The following MAP1B variants were observed in gnomAD, a reference collection of about 807,000 sequenced individuals.
MAP1B encodes the protein microtubule-associated protein 1B.
A neutral mutation model predicts 176.1 loss-of-function variants in MAP1B; 12 were observed. That is an observed-to-expected ratio of 0.07 (90% CI 0.04 to 0.11). The LOEUF (loss-of-function observed/expected upper bound fraction) is 0.11, where lower values mean the gene tolerates loss of function less well. Ranked by LOEUF, MAP1B falls within the 10% of genes least tolerant of loss-of-function variation. MAP1B has a pLI of 1.00. For synonymous variants in MAP1B, 1,044 were observed against 1,135.0 expected (o/e 0.92, Z 1.61); for missense variants, 2,523 against 2,990.5 (o/e 0.84, Z 3.65).
At chr5:72,185,372 C>T (rs1446991069) in intron 3 of MAP1B, among the ~76,000 whole-genome samples, 3 of 152,142 alleles carry the variant, frequency 2.0e-5, no homozygotes, top group African/African-American at 4.8e-5. Context: ...GAAGTAATTA[C>T]AGCTTGAAAA....
At position 72,195,828 on chromosome 5, in the gene MAP1B, G is replaced by C; in HGVS notation, c.2473G>C (p.Ala825Pro). The C allele has an allele frequency of 6.2e-7, 1 of 1,614,238 alleles. No homozygotes were observed. The highest frequency in any genetic ancestry group is 8.5e-7 in the Non-Finnish European group (1 of 1,180,044). ...CATTGGCCCTGCCAAAGAACTCGAA[G>C]CTGAGAGGTCCCTTATGTCATCTCC... ...AAIGPAKELE[A>P]ERSLMSSPED... Residue 825 changes from alanine (A) to proline (P), a missense_variant, in exon 5 of 7, where the codon GCT becomes CCT. By Grantham distance (27) the Ala-to-Pro change is conservative (BLOSUM62 -1). Around this residue, in one of 4 missense-constraint regions of MAP1B, gnomAD observed 1,925 missense variants for 2,126.0 expected, o/e 0.91. Coordinates refer to ENST00000296755, the MANE Select transcript of MAP1B (RefSeq NM_005909.5).
At chr5:72,137,097 T>C (rs1188515436) in intron 2 of MAP1B, among the ~76,000 whole-genome samples, 3 of 152,208 alleles carry the variant, frequency 2.0e-5, no homozygotes, top group Non-Finnish European at 2.9e-5. Context: ...GTAGGCTGAG[T>C]AATAATTCAC....
intron 2 of MAP1B, among the ~76,000 whole-genome samples, chr5:72,118,172 T>A (rs1377903098): frequency 1.3e-5 from 2 of 152,196 alleles, no homozygotes; most frequent in Non-Finnish European, 2.9e-5. Context: ...CTTTAGAGTT[T>A]CAAGAATCTT....
At position 72,197,201 on chromosome 5, in the gene MAP1B, G is replaced by A. The variant is rs763979452; in HGVS notation, c.3846G>A (p.Thr1282=). Reference sequence around the variant, plus strand: ...AACGTAGTGTGAACTTCTCTCTGACGCCCAATGAGATTAAAGTCTCTGCAG... The same window carrying A: ...AACGTAGTGTGAACTTCTCTCTGACACCCAATGAGATTAAAGTCTCTGCAG... ...LGERSVNFSL[T]PNEIKVSAEA... is the part of the protein sequence containing the mutation. The change falls in exon 5 of 7, where the codon ACG becomes ACA. Residue 1282 remains threonine, a synonymous_variant. Coordinates refer to ENST00000296755, the MANE Select transcript of MAP1B (RefSeq NM_005909.5). 1.5e-5 allele frequency: 25 copies of A among 1,614,048 alleles called. No homozygotes were observed. In the East Asian group the frequency reaches 4.5e-4, roughly 29 times the overall value.
chr5:72,203,644 A>C lies in MAP1B; in HGVS notation c.7094A>C (p.Asn2365Thr). ...PVYLDLCYIPNHSNSKNVDVE... is the reference protein window; with the variant it reads ...PVYLDLCYIPTHSNSKNVDVE... ...TATTTGGACCTGTGCTACATTCCTAACCACAGCAATAGTAAGAATGTTGAT... is the reference window on the plus strand; with the variant it reads ...TATTTGGACCTGTGCTACATTCCTACCCACAGCAATAGTAAGAATGTTGAT... The change falls in exon 6 of 7, where the codon AAC becomes ACC. Residue 2365 changes from asparagine to threonine, a missense_variant. Around this residue, in one of 4 missense-constraint regions of MAP1B, gnomAD observed 287 missense variants for 401.5 expected, o/e 0.71. Coordinates refer to ENST00000296755, the MANE Select transcript of MAP1B (RefSeq NM_005909.5). 6.2e-7 allele frequency: 1 copy of C among 1,614,132 alleles called. No individual in the cohort carries two copies. Among genetic ancestry groups the C allele is most frequent in the Non-Finnish European group, 8.5e-7 (1 of 1,180,014 alleles).
At chr5:72,166,742 C>CAGT (rs1300233437) in intron 2 of MAP1B, among the ~76,000 whole-genome samples, 1 of 152,196 alleles carries the variant, frequency 6.6e-6, no homozygotes, top group African/African-American at 2.4e-5. Flanking sequence ...CCCCAGGCAG[C>CAGT]AGTAGCTGGC....
chr5:72,162,135 A>G (rs1295997768), intron 2 of MAP1B, among the ~76,000 whole-genome samples: 1 of 152,176 alleles, frequency 6.6e-6, no homozygotes, highest in Non-Finnish European at 1.5e-5. Flanking sequence ...CAGGGGACTG[A>G]ACTCAGTGCT....
At chr5:72,169,879 C>T (rs372834554) in intron 2 of MAP1B, among the ~76,000 whole-genome samples, 20 of 152,134 alleles carry the variant, frequency 1.3e-4, no homozygotes, top group African/African-American at 4.1e-4. Flanking sequence ...TTGAAGTGGA[C>T]AGAGAGATAC....
At position 72,186,218 on chromosome 5, in the gene MAP1B, C is replaced by A. The variant is rs561360127; in HGVS notation, c.370-396C>A. Among the ~76,000 whole-genome samples, 2 of 152,134 alleles carry A rather than the reference C, an allele frequency of 1.3e-5. No individual in the cohort carries two copies. Among genetic ancestry groups the A allele is most frequent in the East Asian group, 1.9e-4 (1 of 5,186 alleles). ...GGTGATTCAGCCTGTGAGATAGTTC[C>A]GTCTTCCCTGGTTTCGCAGACCACG... On this transcript the variant is annotated intron_variant, in intron 3 of 6. Coordinates refer to ENST00000296755, the MANE Select transcript of MAP1B (RefSeq NM_005909.5). This position sits in a 1 kb window ranked among gnomAD's most constrained non-coding sequence, Gnocchi z 4.3.
At chr5:72,173,854 C>T (rs570395406) in intron 2 of MAP1B, among the ~76,000 whole-genome samples, 4 of 152,284 alleles carry the variant, frequency 2.6e-5, no homozygotes, top group South Asian at 2.1e-4. Flanking sequence ...TCCTGCTGGG[C>T]GTGGTGGCTC....
chr5:72,197,187 A>C lies in MAP1B; in HGVS notation c.3832A>C (p.Asn1278His). The C allele has an allele frequency of 6.2e-7, 1 of 1,614,182 alleles. No homozygotes were observed. The highest frequency in any genetic ancestry group is 8.5e-7 in the Non-Finnish European group (1 of 1,180,032). The stretch of plus-strand genomic sequence containing the variant: ...GACCCCCCTGGGTGAACGTAGTGTG[A>C]ACTTCTCTCTGACGCCCAATGAGAT... The part of the protein sequence containing the change: ...EKTPLGERSV[N>H]FSLTPNEIKV... The change falls in exon 5 of 7, where the codon AAC (asparagine) becomes CAC (histidine). Residue 1278 changes from asparagine to histidine, a missense_variant. By Grantham distance (68) the Asn-to-His change is moderately conservative. Coordinates refer to ENST00000296755, the MANE Select transcript of MAP1B (RefSeq NM_005909.5).
intron 4 of MAP1B, among the ~76,000 whole-genome samples, chr5:72,193,660 C>T (rs569144133): frequency 1.3e-5 from 2 of 152,112 alleles, no homozygotes; most frequent in African/African-American, 4.8e-5. Flanking sequence ...CCAGTAGCAG[C>T]GGGGCTCAGG....
intron 2 of MAP1B, among the ~76,000 whole-genome samples, chr5:72,174,908 CT>C (rs1190595161): frequency 2.8e-5 from 4 of 145,204 alleles, no homozygotes; most frequent in African/African-American, 7.7e-5. Context: ...TCCCTCCCTC[CT>C]TCCTTCCCTC....
chr5:72,116,543 T>C, intron 2 of MAP1B: 1 of 338,660 alleles, frequency 3.0e-6, no homozygotes, highest in Non-Finnish European at 5.6e-6. Flanking sequence ...CCTCTGGCGC[T>C]GGAGATGTAT....
At chr5:72,189,545 G>A (rs1746981336) in intron 4 of MAP1B, among the ~76,000 whole-genome samples, 1 of 152,070 alleles carries the variant, frequency 6.6e-6, no homozygotes, top group African/African-American at 2.4e-5. Context: ...AAAGGGAGGT[G>A]AAGGCCAGGT....
rs375221554 is a variant in MAP1B at position 72,129,654 on chromosome 5, C to T, written c.286+13855C>T. On this transcript the variant is annotated intron_variant, in intron 2 of 6. Coordinates refer to ENST00000296755, the MANE Select transcript of MAP1B (RefSeq NM_005909.5). ...GTTGTTTTCTCTTTGGTATCCCTCACGCGTTTTCCCCTCTCCGCTGCAGTC... is the reference window on the plus strand; with the variant it reads ...GTTGTTTTCTCTTTGGTATCCCTCATGCGTTTTCCCCTCTCCGCTGCAGTC... Among the ~76,000 whole-genome samples, 6 of 152,178 alleles carry T rather than the reference C, an allele frequency of 3.9e-5. No individual in the cohort carries two copies. In the East Asian group the frequency reaches 7.7e-4, roughly 20 times the overall value.
Position 72,107,527 on chromosome 5 carries a change from G to A in MAP1B, c.-5G>A. ...ACACTTCGCCGAGGCACAGCAGCCGGCAGGATGGCGACCGTGGTGGTGGAA... is the reference window on the plus strand; with the variant it reads ...ACACTTCGCCGAGGCACAGCAGCCGACAGGATGGCGACCGTGGTGGTGGAA... On this transcript the variant is annotated 5_prime_UTR_variant, in exon 1 of 7. Transcript: ENST00000296755. The A allele has an allele frequency of 1.9e-6, 3 of 1,558,030 alleles. No individual in the cohort carries two copies. Among genetic ancestry groups the A allele is most frequent in the Non-Finnish European group, 1.7e-6 (2 of 1,156,016 alleles).
At chr5:72,184,396 G>A (rs764991046) in intron 3 of MAP1B, among the ~76,000 whole-genome samples, 16 of 152,288 alleles carry the variant, frequency 1.1e-4, no homozygotes, top group Middle Eastern at 3.4e-3. Flanking sequence ...CTTTGTCTCC[G>A]TTTGCACCTC....
At chr5:72,145,330 T>C (rs1427719593) in intron 2 of MAP1B, among the ~76,000 whole-genome samples, 3 of 151,942 alleles carry the variant, frequency 2.0e-5, no homozygotes, top group Non-Finnish European at 2.9e-5. Flanking sequence ...GAGAATGATA[T>C]TAAGCACAGA....
Sources: allele counts gnomAD v4.1 joint callset (sites outside exome capture counted in the v4.1 genomes callset), GRCh38; gene constraint gnomAD v4.1.1; regional missense constraint gnomAD v4.1.1; non-coding constraint Gnocchi (gnomAD v3.1); transcripts MANE v1.5; gene names NCBI Gene and HGNC (gene_info 2026-07-23, HGNC 2026-07-21).